UBE4B: variants seen among roughly 807,000 people sequenced by gnomAD.
UBE4B encodes ubiquitination factor E4B, also known as ubiquitin conjugation factor E4 B.
Under a neutral mutation model 148.1 loss-of-function variants are expected in UBE4B, and 27 were observed. The observed-to-expected ratio is 0.18, with a 90% confidence interval of 0.13 to 0.25. The LOEUF (loss-of-function observed/expected upper bound fraction) is 0.25. Among genes scored for constraint, UBE4B ranks in the 10% least tolerant of loss-of-function variants. UBE4B has a pLI of 1.00. For synonymous variants in UBE4B, 596 were observed against 619.3 expected (o/e 0.96, Z 0.56); for missense variants, 1,170 against 1,662.4 (o/e 0.70, Z 5.15).
chr1:10,122,000 T>C lies in UBE4B; in HGVS notation c.1478T>C (p.Leu493Pro). ...CCGTCCTTCCTAGTGCCGTATATGC[T>C]GTGTAGGAATCTCCCATATGGCTTC... is the stretch of plus-strand genomic sequence containing the variant. ...QQPSFLVPYM[L>P]CRNLPYGFIQ... Residue 493 changes from leucine to proline, a missense_variant, in exon 10 of 28, where the codon CTG becomes CCG. By Grantham distance (98) the Leu-to-Pro change is moderately conservative. Transcript: ENST00000343090. The C allele has an allele frequency of 6.2e-7, 1 of 1,613,704 alleles. No individual in the cohort carries two copies. Among genetic ancestry groups the C allele is most frequent in the Non-Finnish European group, 8.5e-7 (1 of 1,179,814 alleles).
intron 3 of UBE4B, chr1:10,100,851 G>T (rs1644999490): frequency 2.0e-5 from 8 of 396,750 alleles, no homozygotes; most frequent in South Asian, 1.8e-4. Context: ...ACTGCACTCG[G>T]CCAATGATAT....
intron 15 of UBE4B, among the ~76,000 whole-genome samples, chr1:10,134,618 A>G (rs751530849): frequency 1.3e-5 from 2 of 152,226 alleles, no homozygotes; most frequent in Non-Finnish European, 2.9e-5. Context: ...TATAGAATTA[A>G]TGGAATGACA....
chr1:10,044,345 G>A (rs1162032623), intron 1 of UBE4B, among the ~76,000 whole-genome samples: 2 of 152,070 alleles, frequency 1.3e-5, no homozygotes, highest in African/African-American at 2.4e-5. Flanking sequence ...GGGAGCCACC[G>A]CGCCTGGCCC....
intron 21 of UBE4B, among the ~76,000 whole-genome samples, chr1:10,156,245 T>C (rs1325864068): frequency 5.0e-4 from 74 of 149,070 alleles, no homozygotes; most frequent in African/African-American, 1.6e-3. Context: ...TTTTCTTTTT[T>C]TTTTTTTTTT....
rs576162300 is a variant in UBE4B at position 10,168,943 on chromosome 1, A to G, written c.3333+673A>G. 6.6e-6 allele frequency among the ~76,000 whole-genome samples: 1 copy of G among 152,034 alleles called. No homozygotes were observed. Among genetic ancestry groups the G allele is most frequent in the Non-Finnish European group, 1.5e-5 (1 of 67,982 alleles). On this transcript the variant is annotated intron_variant, in intron 24 of 27. Coordinates refer to ENST00000343090, the MANE Select transcript of UBE4B (RefSeq NM_001105562.3). This position sits in a 1 kb window ranked among gnomAD's most constrained non-coding sequence, Gnocchi z 4.9. Reference sequence around the variant, plus strand: ...AAGCATAAGGTAACAGCTGTTGACAATGGAAGGATATTAAGTAGAATAATT... The same window carrying G: ...AAGCATAAGGTAACAGCTGTTGACAGTGGAAGGATATTAAGTAGAATAATT...
chr1:10,094,078 A>C (rs140760739), intron 2 of UBE4B, among the ~76,000 whole-genome samples: 100 of 152,278 alleles, frequency 6.6e-4, no homozygotes, highest in African/African-American at 1.9e-3. Context: ...GCCTGGGTAA[A>C]CATTCTTCTT....
Position 10,085,827 on chromosome 1 carries a change from T to C in UBE4B, c.212-9634T>C, listed in dbSNP as rs137880656. ...TTCTTTGAGACAGAGTCTCGCCCTG[T>C]TCCCCAGGCTGGAGTACAGTGGCGC... On this transcript the variant is annotated intron_variant, in intron 2 of 27. Coordinates refer to ENST00000343090, the MANE Select transcript of UBE4B (RefSeq NM_001105562.3). Among the ~76,000 whole-genome samples, 817 of 152,250 alleles carry C rather than the reference T, an allele frequency of 5.4e-3. 4 individuals are homozygous for C. Among genetic ancestry groups the C allele is most frequent in the African/African-American group, 0.019 (786 of 41,552 alleles).
At chr1:10,139,103 A>T (rs1216571366) in intron 17 of UBE4B, among the ~76,000 whole-genome samples, 4 of 152,206 alleles carry the variant, frequency 2.6e-5, no homozygotes, top group Non-Finnish European at 4.4e-5. Context: ...TGCCTTATAG[A>T]AGAAACTGGG....
chr1:10,142,610 G>A (rs182484657), intron 17 of UBE4B, among the ~76,000 whole-genome samples: 3 of 152,284 alleles, frequency 2.0e-5, no homozygotes, highest in South Asian at 2.1e-4. Flanking sequence ...GACGGAGGTT[G>A]CAGTGAGCTG....
chr1:10,156,470 G>A (rs982873146), intron 21 of UBE4B, among the ~76,000 whole-genome samples: 2 of 152,026 alleles, frequency 1.3e-5, no homozygotes, highest in East Asian at 3.9e-4. Flanking sequence ...AAACTCCTGA[G>A]CTCAAGTGAT....
chr1:10,171,359 G>C (rs747501078), intron 25 of UBE4B, 30 bp downstream of exon 25: 1 of 1,601,740 alleles, frequency 6.2e-7, no homozygotes, highest in Non-Finnish European at 8.5e-7. Context: ...CTCTCTGTGA[G>C]TTTACTGGCA....
intron 10 of UBE4B, among the ~76,000 whole-genome samples, chr1:10,122,879 G>A (rs1273809403): frequency 6.6e-6 from 1 of 152,224 alleles, no homozygotes; most frequent in South Asian, 2.1e-4. Flanking sequence ...CTTTCACTCT[G>A]TTTTATACCT....
At chr1:10,136,944 CAAATA>C (rs748854436) in intron 16 of UBE4B, 118 bp from the exon 17 acceptor site, 126 of 1,075,904 alleles carry the variant, frequency 1.2e-4, no homozygotes, top group Non-Finnish European at 1.6e-4. Context: ...AATAAATAAA[CAAATA>C]AAAAGTATCT....
At chr1:10,072,478 A>G in intron 2 of UBE4B, 1 of 711,820 alleles carries the variant, frequency 1.4e-6, no homozygotes, top group Middle Eastern at 2.3e-4. Flanking sequence ...TCTGATGACA[A>G]GATGATTAAG....
chr1:10,165,223 A>C (rs1244120433), intron 23 of UBE4B, among the ~76,000 whole-genome samples: 1 of 152,098 alleles, frequency 6.6e-6, no homozygotes, highest in Non-Finnish European at 1.5e-5. Flanking sequence ...AGTCTGCCCA[A>C]TCTCAGTAAA....
intron 14 of UBE4B, among the ~76,000 whole-genome samples, chr1:10,132,072 G>T (rs555320607): frequency 3.3e-5 from 5 of 152,150 alleles, no homozygotes; most frequent in Non-Finnish European, 5.9e-5. Context: ...GCAGGTTGCA[G>T]TGAGCTGAGA....
chr1:10,122,647 C>T (rs949781519), intron 10 of UBE4B, among the ~76,000 whole-genome samples: 17 of 152,138 alleles, frequency 1.1e-4, no homozygotes, highest in African/African-American at 3.9e-4. Flanking sequence ...AAGCTGTGTA[C>T]GTAGTCTTGA....
intron 23 of UBE4B, among the ~76,000 whole-genome samples, chr1:10,167,530 T>C (rs1646272071): frequency 1.3e-5 from 2 of 151,092 alleles, no homozygotes; most frequent in African/African-American, 4.9e-5. Context: ...AGTGCCATGA[T>C]GTGTGTCAGA....
intron 2 of UBE4B, among the ~76,000 whole-genome samples, chr1:10,084,999 C>T (rs1203808864): frequency 6.6e-5 from 10 of 152,118 alleles, no homozygotes; most frequent in Admixed American, 4.6e-4. Context: ...CCACTGTACC[C>T]GGCCTCTCTC....
Sources: gnomAD v4.1 joint callset for allele counts (sites outside exome capture counted in the v4.1 genomes callset) on GRCh38, gnomAD v4.1.1 for gene constraint, Gnocchi (gnomAD v3.1) non-coding constraint, MANE v1.5 for transcripts, NCBI Gene and HGNC (gene_info 2026-07-23, HGNC 2026-07-21) for gene names.